The following DPYD variants were observed in gnomAD, a reference collection of about 807,000 sequenced individuals.
The protein encoded by DPYD is dihydropyrimidine dehydrogenase [NADP(+)].
A neutral mutation model predicts 116.2 loss-of-function variants in DPYD; 109 were observed. That is an observed-to-expected ratio of 0.94 (90% CI 0.80 to 1.10). DPYD has a LOEUF of 1.10. DPYD is among the 50% of genes least tolerant of loss of function. DPYD has a pLI of 0.00. For synonymous variants in DPYD, 440 were observed against 432.0 expected, an observed-to-expected ratio of 1.02 and a Z score of -0.23; for missense variants, 1,302 against 1,254.5, an observed-to-expected ratio of 1.04 and a Z score of -0.57.
chr1:97,251,764 T>C (rs1408095470), intron 18 of DPYD, among the ~76,000 whole-genome samples: 1 of 152,168 alleles, frequency 6.6e-6, no homozygotes, highest in East Asian at 1.9e-4. Flanking sequence ...GGCTAGACTA[T>C]ACCTCTAAAT....
intron 14 of DPYD, among the ~76,000 whole-genome samples, chr1:97,396,783 G>T (rs1481814352): frequency 6.6e-6 from 1 of 151,920 alleles, no homozygotes; most frequent in African/African-American, 2.4e-5. Flanking sequence ...GGTCCTTCTT[G>T]TAGTGCCATC....
chr1:97,213,389 T>C (rs905992447), intron 19 of DPYD, among the ~76,000 whole-genome samples: 10 of 152,170 alleles, frequency 6.6e-5, no homozygotes, highest in Admixed American at 6.6e-5. Flanking sequence ...AGTGACAACA[T>C]ACTTAACCTG....
chr1:97,096,965 C>T (rs1650301901), intron 21 of DPYD, among the ~76,000 whole-genome samples: 1 of 152,116 alleles, frequency 6.6e-6, no homozygotes, highest in African/African-American at 2.4e-5. Context: ...CCATGAACCC[C>T]TGGGCAGGAA....
At chr1:97,269,429 A>C (rs1664436620) in intron 18 of DPYD, among the ~76,000 whole-genome samples, 1 of 152,076 alleles carries the variant, frequency 6.6e-6, no homozygotes, top group African/African-American at 2.4e-5. Flanking sequence ...CCCGTTACCC[A>C]GTTCCAAAGT....
intron 20 of DPYD, among the ~76,000 whole-genome samples, chr1:97,171,508 T>C (rs1292529099): frequency 6.6e-6 from 1 of 152,160 alleles, no homozygotes; most frequent in Non-Finnish European, 1.5e-5. Flanking sequence ...AGTAGGCAAG[T>C]GCGGAGGTTT....
chr1:97,443,880 T>A (rs1173173761), intron 14 of DPYD, among the ~76,000 whole-genome samples: 2 of 152,212 alleles, frequency 1.3e-5, no homozygotes, highest in East Asian at 3.8e-4. Context: ...GCAAGAAGAC[T>A]GTACAAGGGC....
At chr1:97,103,632 G>C (rs1017977498) in intron 20 of DPYD, among the ~76,000 whole-genome samples, 1 of 152,084 alleles carries the variant, frequency 6.6e-6, no homozygotes, top group African/African-American at 2.4e-5. Context: ...ATGTTTCATA[G>C]TGAAAGTAGA....
intron 2 of DPYD, among the ~76,000 whole-genome samples, chr1:97,849,893 T>A (rs937542145): frequency 1.3e-5 from 2 of 152,182 alleles, no homozygotes; most frequent in African/African-American, 4.8e-5. Context: ...AAACTTTTAA[T>A]TTTGTGACTT....
chr1:97,279,752 C>T (rs1409817458), intron 18 of DPYD, among the ~76,000 whole-genome samples: 1 of 152,088 alleles, frequency 6.6e-6, no homozygotes, highest in East Asian at 1.9e-4. Context: ...TTAGGTGATC[C>T]GCCCACCTCA....
chr1:97,342,290 T>C (rs1201249221), intron 16 of DPYD, among the ~76,000 whole-genome samples: 1 of 152,202 alleles, frequency 6.6e-6, no homozygotes, highest in Non-Finnish European at 1.5e-5. Context: ...ATTGAATCTT[T>C]CTAGTTTCTA....
chr1:97,797,567 A>G (rs1316996103), intron 3 of DPYD: 1 of 152,128 alleles, frequency 6.6e-6, no homozygotes, highest in African/African-American at 2.4e-5. Flanking sequence ...AAGGTCATGC[A>G]TCCTGAGCTG....
intron 20 of DPYD, among the ~76,000 whole-genome samples, chr1:97,147,370 GAACA>G (rs1232768496): frequency 5.3e-5 from 7 of 130,928 alleles, no homozygotes; most frequent in South Asian, 2.3e-4. Context: ...ACAAACAAAC[GAACA>G]AACAAACAAA....
intron 5 of DPYD, among the ~76,000 whole-genome samples, chr1:97,703,567 C>T (rs987248955): frequency 6.6e-6 from 1 of 151,706 alleles, no homozygotes; most frequent in Non-Finnish European, 1.5e-5. Context: ...GTGTCCAAGA[C>T]GGAATCCACT....
Position 97,325,954 on chromosome 1 carries a change from A to T in DPYD, c.2059-19657T>A, listed in dbSNP as rs1320331859. On this transcript the variant is annotated intron_variant, in intron 16 of 22. Coordinates refer to ENST00000370192, the MANE Select transcript of DPYD (RefSeq NM_000110.4). ...TTTGTGCCTTATCCTTTAGGCAATA[A>T]GAAAACATGGAAGGCCATATGTTTA... Among the ~76,000 whole-genome samples, 8 of 151,778 alleles carry T rather than the reference A, an allele frequency of 5.3e-5. No homozygotes were observed. In the South Asian group the frequency reaches 8.3e-4, roughly 16 times the overall value.
chr1:97,277,628 A>T lies in DPYD; in HGVS notation c.2299+27631T>A, dbSNP rs142963294. Among the ~76,000 whole-genome samples the T allele has an allele frequency of 5.9e-3, 897 of 152,202 alleles. 29 individuals carry two copies. Among genetic ancestry groups the T allele is most frequent in the Admixed American group, 0.05 (758 of 15,266 alleles). ...GTTAATCCCATTGACCTTCTCTAAA[A>T]CATATTCTGAACACAACATTCTCCC... is the stretch of plus-strand genomic sequence containing the variant. On this transcript the variant is annotated intron_variant, in intron 18 of 22. Coordinates refer to ENST00000370192, the MANE Select transcript of DPYD (RefSeq NM_000110.4).
rs1463305098 is a variant in DPYD at position 97,782,921 on chromosome 1, A to C, written c.234-42442T>G. Reference sequence around the variant, plus strand: ...ACCATGGTTCACCCTAATGTGAGCCATGTGAGCCGACATAGTGAAGGCACA... The same window carrying C: ...ACCATGGTTCACCCTAATGTGAGCCCTGTGAGCCGACATAGTGAAGGCACA... On this transcript the variant is annotated intron_variant, in intron 3 of 22. Transcript: ENST00000370192. Among the ~76,000 whole-genome samples the C allele has an allele frequency of 3.3e-5, 5 of 152,270 alleles. No individual in the cohort carries two copies. In the East Asian group the frequency reaches 7.8e-4, roughly 24 times the overall value.
intron 19 of DPYD, among the ~76,000 whole-genome samples, chr1:97,222,010 A>C (rs1660811998): frequency 6.6e-6 from 1 of 152,122 alleles, no homozygotes; most frequent in East Asian, 1.9e-4. Flanking sequence ...AACTCATTTC[A>C]AGTGACACTG....
intron 3 of DPYD, among the ~76,000 whole-genome samples, chr1:97,802,898 C>CT (rs1667913899): frequency 6.6e-6 from 1 of 151,826 alleles, no homozygotes; most frequent in Admixed American, 6.6e-5. Context: ...TTCACAACAT[C>CT]TTTTCCTCAA....
intron 16 of DPYD, among the ~76,000 whole-genome samples, chr1:97,351,776 G>C (rs1004214200): frequency 6.6e-6 from 1 of 152,082 alleles, no homozygotes; most frequent in African/African-American, 2.4e-5. Context: ...GATTAGAAAA[G>C]AGAATGTTTA....
Sources: allele counts gnomAD v4.1 joint callset (sites outside exome capture counted in the v4.1 genomes callset), GRCh38; gene constraint gnomAD v4.1.1; transcripts MANE v1.5; gene names NCBI Gene and HGNC (gene_info 2026-07-23, HGNC 2026-07-21).